MEI4: variants seen among roughly 807,000 people sequenced by gnomAD.
The protein encoded by MEI4 is meiotic double-stranded break formation protein 4.
A neutral mutation model predicts 31.4 loss-of-function variants in MEI4; 27 were observed. That is an observed-to-expected ratio of 0.86 (90% CI 0.63 to 1.19). The LOEUF is 1.19. Among genes scored for constraint, MEI4 ranks in the 50% most tolerant of loss-of-function variants. The pLI is 0.00. For synonymous variants in MEI4, 122 were observed against 145.4 expected (o/e 0.84, Z 1.16); for missense variants, 329 against 398.9 (o/e 0.82, Z 1.49).
At chr6:77,866,848 C>G (rs1432692866) in intron 4 of MEI4, among the ~76,000 whole-genome samples, 1 of 152,228 alleles carries the variant, frequency 6.6e-6, no homozygotes, top group Non-Finnish European at 1.5e-5. Flanking sequence ...GTAACCAAAA[C>G]AGCGTGGTGC....
At chr6:77,920,571 T>C (rs1766679993) in intron 4 of MEI4, among the ~76,000 whole-genome samples, 1 of 151,950 alleles carries the variant, frequency 6.6e-6, no homozygotes. Flanking sequence ...ACACATTTTC[T>C]TAATGACATC....
At chr6:77,863,044 G>A (rs1311072839) in intron 4 of MEI4, among the ~76,000 whole-genome samples, 1 of 152,096 alleles carries the variant, frequency 6.6e-6, no homozygotes, top group Non-Finnish European at 1.5e-5. Context: ...CTAACAAACA[G>A]AAAGGACATC....
intron 3 of MEI4, among the ~76,000 whole-genome samples, chr6:77,785,782 A>G (rs888967172): frequency 6.6e-6 from 1 of 152,152 alleles, no homozygotes; most frequent in Non-Finnish European, 1.5e-5. Context: ...TTACAGCTAG[A>G]TAACAGGAAA....
chr6:77,832,869 C>T (rs1430712958), intron 4 of MEI4, among the ~76,000 whole-genome samples: 2 of 152,044 alleles, frequency 1.3e-5, no homozygotes, highest in Non-Finnish European at 2.9e-5. Context: ...TACTTTTTAG[C>T]AGGGTAAGTA....
intron 2 of MEI4, among the ~76,000 whole-genome samples, chr6:77,738,651 C>T (rs190316951): frequency 1.1e-3 from 161 of 152,230 alleles, no homozygotes; most frequent in African/African-American, 3.7e-3. Context: ...GGTTCTAGAT[C>T]CTTCAGGAAT....
rs5877563 is a variant in MEI4, at chr6:77,657,600, AT to A, written c.-15+4519del. ...TTAATCCTCTTAAAACACCACTTGG[AT>A]TTTTTTTTTTACTCATCCACTCTGA... On this transcript the variant is annotated intron_variant, in intron 1 of 4. Transcript: ENST00000684080. Among the ~76,000 whole-genome samples, 6 of 148,532 alleles carry A rather than the reference AT, an allele frequency of 4.0e-5. No individual in the cohort carries two copies. The East Asian group carries it at 5.9e-4, about 15-fold the overall frequency.
chr6:77,756,305 C>A (rs1164329931), intron 2 of MEI4, among the ~76,000 whole-genome samples: 1 of 151,690 alleles, frequency 6.6e-6, no homozygotes, highest in Non-Finnish European at 1.5e-5. Context: ...AACTTTTTTT[C>A]CTATTTATGT....
At chr6:77,825,626 G>C (rs1215423462) in intron 3 of MEI4, among the ~76,000 whole-genome samples, 4 of 152,132 alleles carry the variant, frequency 2.6e-5, no homozygotes, top group African/African-American at 7.2e-5. Flanking sequence ...TGCTTAGCAG[G>C]TAGCAAATGT....
intron 2 of MEI4, among the ~76,000 whole-genome samples, chr6:77,745,788 A>T (rs1257729157): frequency 1.3e-5 from 2 of 152,240 alleles, no homozygotes; most frequent in Non-Finnish European, 2.9e-5. Flanking sequence ...CCACAGTGCA[A>T]TCAAACTAGA....
At chr6:77,748,797 A>G (rs951666013) in intron 2 of MEI4, among the ~76,000 whole-genome samples, 23 of 152,272 alleles carry the variant, frequency 1.5e-4, no homozygotes, top group African/African-American at 5.3e-4. Context: ...AAATTTCTTC[A>G]TATAGATTTT....
intron 2 of MEI4, among the ~76,000 whole-genome samples, chr6:77,708,093 C>A (rs1322229555): frequency 1.3e-5 from 2 of 152,164 alleles, no homozygotes; most frequent in Non-Finnish European, 2.9e-5. Context: ...AATGGGACTG[C>A]CATCCTCCAG....
At chr6:77,767,426 G>T (rs942488743) in intron 3 of MEI4, among the ~76,000 whole-genome samples, 2 of 151,938 alleles carry the variant, frequency 1.3e-5, no homozygotes, top group Admixed American at 6.6e-5. Context: ...CAGGCATGGT[G>T]GCTCACCCCT....
At chr6:77,680,703 T>C (rs1768941276) in intron 1 of MEI4, among the ~76,000 whole-genome samples, 1 of 152,044 alleles carries the variant, frequency 6.6e-6, no homozygotes, top group Non-Finnish European at 1.5e-5. Context: ...AGAGCTCTAT[T>C]TTGTTTTTAG....
intron 3 of MEI4, among the ~76,000 whole-genome samples, chr6:77,807,401 GCTCTT>G (rs1769467022): frequency 6.6e-6 from 1 of 152,044 alleles, no homozygotes; most frequent in Admixed American, 6.6e-5. Context: ...TTATTTTAAA[GCTCTT>G]CATTATGGGA....
intron 1 of MEI4, among the ~76,000 whole-genome samples, chr6:77,667,397 T>A (rs1768659605): frequency 1.3e-5 from 2 of 152,176 alleles, no homozygotes; most frequent in Non-Finnish European, 2.9e-5. Flanking sequence ...TTCCCTAATT[T>A]ATCCTGTCTT....
At chr6:77,886,963 G>C (rs1263049664) in intron 4 of MEI4, among the ~76,000 whole-genome samples, 1 of 151,504 alleles carries the variant, frequency 6.6e-6, no homozygotes. Flanking sequence ...ATTTAGTTCT[G>C]CTCTATTCCT....
intron 4 of MEI4, among the ~76,000 whole-genome samples, chr6:77,851,535 A>G (rs1282083243): frequency 6.6e-6 from 1 of 151,274 alleles, no homozygotes; most frequent in Non-Finnish European, 1.5e-5. Flanking sequence ...TCGCAAGGAC[A>G]AAAAACCAAA....
At chr6:77,801,227 G>A (rs1481372713) in intron 3 of MEI4, among the ~76,000 whole-genome samples, 7 of 152,286 alleles carry the variant, frequency 4.6e-5, no homozygotes, top group South Asian at 2.1e-4. Context: ...TTGGGAGGGC[G>A]TATGTGTCAA....
intron 3 of MEI4, among the ~76,000 whole-genome samples, chr6:77,782,414 C>T (rs1252983073): frequency 1.3e-5 from 2 of 152,086 alleles, no homozygotes; most frequent in Non-Finnish European, 2.9e-5. Flanking sequence ...TAAAAAATTA[C>T]ACATACTTAA....
Sources: allele counts gnomAD v4.1 joint callset (sites outside exome capture counted in the v4.1 genomes callset), GRCh38; gene constraint gnomAD v4.1.1; transcripts MANE v1.5; gene names NCBI Gene and HGNC (gene_info 2026-07-23, HGNC 2026-07-21).